The following FRY variants were observed in gnomAD, a reference collection of about 807,000 sequenced individuals.
The protein encoded by FRY is FRY microtubule binding protein.
A neutral mutation model predicts 348.4 loss-of-function variants in FRY; 128 were observed. The ratio of observed to expected loss-of-function variants is 0.37; its 90% CI spans 0.32 to 0.43. The LOEUF (loss-of-function observed/expected upper bound fraction) is 0.43. FRY is among the 20% of genes least tolerant of loss of function. FRY has a pLI of 1.00. For missense variants in FRY, 2,736 were observed against 3,695.2 expected, an observed-to-expected ratio of 0.74 and a Z score of 6.73; for synonymous variants, 1,370 against 1,374.7, an observed-to-expected ratio of 1.00 and a Z score of 0.08.
chr13:32,053,441 T>C (rs55736038), intron 1 of FRY, among the ~76,000 whole-genome samples: 1,570 of 152,334 alleles, frequency 0.01, 34 homozygotes, highest in African/African-American at 0.036. Flanking sequence ...AATGTATAGA[T>C]ACTATTAAAA....
At chr13:32,065,753 C>T (rs1284001161) in intron 1 of FRY, among the ~76,000 whole-genome samples, 1 of 152,014 alleles carries the variant, frequency 6.6e-6, no homozygotes, top group Non-Finnish European at 1.5e-5. Flanking sequence ...ATGTGTGCTA[C>T]CATGCTCAGC....
chr13:32,151,256 G>T (rs1339757418), intron 14 of FRY, among the ~76,000 whole-genome samples: 1 of 152,146 alleles, frequency 6.6e-6, no homozygotes, highest in Non-Finnish European at 1.5e-5. Context: ...CAGTCAGTGC[G>T]TAATTAGTTA....
chr13:32,032,219 C>T (rs1872276127), intron 1 of FRY, among the ~76,000 whole-genome samples: 1 of 152,074 alleles, frequency 6.6e-6, no homozygotes, highest in African/African-American at 2.4e-5. Context: ...GCATTTCCTG[C>T]CTTGATGTTT....
chr13:32,258,244 C>G lies in FRY; in HGVS notation c.7417-3372C>G, dbSNP rs146109359. Among the ~76,000 whole-genome samples the G allele has an allele frequency of 9.0e-3, 1,367 of 152,292 alleles. 20 individuals carry two copies. The highest frequency in any genetic ancestry group is 0.031 in the African/African-American group (1,287 of 41,544). On this transcript the variant is annotated intron_variant, in intron 51 of 60. Transcript: ENST00000542859. ...TCTCAGAGAAGTGGAGTTTTCAAAT[C>G]TGATCTATGGCAATCCTATCATTTC...
rs542783529 is a variant in FRY, at chr13:32,120,851, G to A, written c.464+3378G>A. On this transcript the variant is annotated intron_variant, in intron 4 of 60. Coordinates refer to ENST00000542859, the MANE Select transcript of FRY (RefSeq NM_023037.3). ...TAATTTTTGTATTTTTAGTAGAGAC[G>A]GGGTTTCACTATGTTGGCCAAGCTG... Among the ~76,000 whole-genome samples, 69 of 152,230 alleles carry A rather than the reference G, an allele frequency of 4.5e-4. 1 individual carries two copies. The South Asian group carries it at 5.2e-3, about 11-fold the overall frequency.
At chr13:32,169,316 C>G (rs149838109) in intron 17 of FRY, among the ~76,000 whole-genome samples, 1 of 152,310 alleles carries the variant, frequency 6.6e-6, no homozygotes, top group East Asian at 1.9e-4. Flanking sequence ...GTTTCTTTCC[C>G]TATAACTTTC....
rs1171014262 is a variant in FRY, at chr13:32,228,355, A to G, written c.5207-101A>G. The G allele has an allele frequency of 3.4e-6, 3 of 890,384 alleles. No individual in the cohort carries two copies. In the African/African-American group the frequency reaches 4.9e-5, roughly 15 times the overall value. The allele number at this position is 890,384 out of a possible 1,614,324, so 55.2% of individuals were successfully genotyped here. On this transcript the variant is annotated intron_variant, in intron 39 of 60. Coordinates refer to ENST00000542859, the MANE Select transcript of FRY (RefSeq NM_023037.3). Reference sequence around the variant, plus strand: ...AGCAACCATTTTCTCCCCAGAATTTAAATAACTCCACACTTCCCTGCCCTC... The same window carrying G: ...AGCAACCATTTTCTCCCCAGAATTTGAATAACTCCACACTTCCCTGCCCTC...
At chr13:32,280,516 G>T (rs1476596041) in intron 58 of FRY, among the ~76,000 whole-genome samples, 1 of 152,158 alleles carries the variant, frequency 6.6e-6, no homozygotes, top group Non-Finnish European at 1.5e-5. Context: ...TGTCTTTCCA[G>T]CCCAGTCCTC....
At chr13:32,112,316 A>T (rs1173929179) in intron 3 of FRY, among the ~76,000 whole-genome samples, 2 of 152,026 alleles carry the variant, frequency 1.3e-5, no homozygotes, top group Non-Finnish European at 2.9e-5. Flanking sequence ...AAGGTTTATT[A>T]TGTGCCCCAC....
chr13:32,239,321 G>A lies in FRY; in HGVS notation c.6488G>A (p.Cys2163Tyr). 1 of 1,609,214 alleles carries A rather than the reference G, an allele frequency of 6.2e-7. No individual in the cohort carries two copies. Among genetic ancestry groups the A allele is most frequent in the Non-Finnish European group, 8.5e-7 (1 of 1,175,530 alleles). The change falls in exon 45 of 61, where the codon TGT becomes TAT. Residue 2163 changes from cysteine (C) to tyrosine (Y), a missense_variant. Coordinates refer to ENST00000542859, the MANE Select transcript of FRY (RefSeq NM_023037.3). The surrounding 1 kb of genome is among the most constrained non-coding windows in gnomAD (Gnocchi z 4.3). ...CATTTTGAAAATCCCAATCAGTTCT[G>A]TAAGGATATAGCCGAAAGGATTGCT... is the stretch of plus-strand genomic sequence containing the variant. ...IQHFENPNQF[C>Y]KDIAERIAQV...
intron 23 of FRY, among the ~76,000 whole-genome samples, chr13:32,180,513 G>A (rs1882641625): frequency 6.6e-6 from 1 of 152,218 alleles, no homozygotes. Context: ...GGGATTACAG[G>A]CGTGAGCCAC....
chr13:32,130,137 T>G (rs1256765941), intron 7 of FRY, among the ~76,000 whole-genome samples: 1 of 146,546 alleles, frequency 6.8e-6, no homozygotes, highest in Non-Finnish European at 1.5e-5. Context: ...CTTGGCTAAC[T>G]GCAAGCTCTG....
At position 32,295,764 on chromosome 13, in the gene FRY, G is replaced by A. The variant is rs1028160272; in HGVS notation, c.*304G>A. ...GTGACTTCCGTTGCATACCAAAGCC[G>A]ACTACACTGAACAGTACCTTCCTTT... On this transcript the variant is annotated 3_prime_UTR_variant, in exon 61 of 61. Coordinates refer to ENST00000542859, the MANE Select transcript of FRY (RefSeq NM_023037.3). 1.9e-5 allele frequency: 9 copies of A among 485,974 alleles called. No individual in the cohort carries two copies. The highest frequency in any genetic ancestry group is 1.2e-4 in the African/African-American group (6 of 51,880). 30.1% of individuals were successfully genotyped at this position (485,974 alleles called of 1,614,324 possible).
rs1397018972 is a variant in FRY at position 32,251,971 on chromosome 13, C to G, written c.7245+19C>G. 1.3e-6 allele frequency: 2 copies of G among 1,553,308 alleles called. No individual in the cohort carries two copies. The highest frequency in any genetic ancestry group is 3.3e-5 in the Admixed American group (2 of 59,922). On this transcript the variant is annotated intron_variant, in intron 50 of 60. Coordinates refer to ENST00000542859, the MANE Select transcript of FRY (RefSeq NM_023037.3). ...TCCATCAGTAAGTTCTGTCATGTGT[C>G]ATAGTTATTTTGGTGTCATATCTCC... is the stretch of plus-strand genomic sequence containing the variant.
chr13:32,186,029 C>G (rs747223777), intron 26 of FRY, among the ~76,000 whole-genome samples: 9 of 152,282 alleles, frequency 5.9e-5, no homozygotes, highest in Non-Finnish European at 8.8e-5. Flanking sequence ...TATTTTTGAT[C>G]TTTCTTTCCC....
chr13:32,070,559 T>G (rs761560601), intron 1 of FRY, among the ~76,000 whole-genome samples: 30 of 26,368 alleles, frequency 1.1e-3, no homozygotes, highest in African/African-American at 2.5e-3. Flanking sequence ...TTTTGATGGG[T>G]TTTTTTTTTT....
intron 11 of FRY, among the ~76,000 whole-genome samples, chr13:32,140,924 A>G (rs1267564974): frequency 2.6e-5 from 4 of 152,210 alleles, no homozygotes; most frequent in Admixed American, 6.5e-5. Context: ...TGAATTAATT[A>G]AAATATATGG....
intron 58 of FRY, among the ~76,000 whole-genome samples, chr13:32,285,296 G>C (rs1888991336): frequency 6.6e-6 from 1 of 152,142 alleles, no homozygotes; most frequent in East Asian, 1.9e-4. Flanking sequence ...CCCCCAGAAA[G>C]GCTTTTTTCA....
intron 26 of FRY, among the ~76,000 whole-genome samples, chr13:32,185,725 G>C (rs947987739): frequency 6.6e-6 from 1 of 152,060 alleles, no homozygotes; most frequent in Non-Finnish European, 1.5e-5. Flanking sequence ...TAAATTTTTT[G>C]ATATTATTAC....
Sources: allele counts gnomAD v4.1 joint callset (sites outside exome capture counted in the v4.1 genomes callset), GRCh38; gene constraint gnomAD v4.1.1; non-coding constraint Gnocchi (gnomAD v3.1); transcripts MANE v1.5; gene names NCBI Gene and HGNC (gene_info 2026-07-23, HGNC 2026-07-21).